GCFC2: variants seen among roughly 807,000 people sequenced by gnomAD.
GCFC2 encodes intron Large complex component GCFC2.
GCFC2 carries 102 observed loss-of-function variants against 99.4 expected under a neutral mutation model. The observed-to-expected ratio is 1.03, with a 90% CI of 0.87 to 1.21. The LOEUF is 1.21. GCFC2 is among the 50% of genes most tolerant of loss of function. The probability of loss-of-function intolerance (pLI) is 0.00; values close to 1 mark genes in which losing one functional copy is unlikely to be tolerated. For missense variants in GCFC2, 973 were observed against 920.9 expected (o/e 1.06, Z -0.73); for synonymous variants, 338 against 316.8 (o/e 1.07, Z -0.71).
At chr2:75,676,194 C>A (rs1679330944) in intron 12 of GCFC2, among the ~76,000 whole-genome samples, 1 of 152,172 alleles carries the variant, frequency 6.6e-6, no homozygotes, top group Admixed American at 6.5e-5. Context: ...GAAAATCTAT[C>A]TGAACTCCCA....
intron 13 of GCFC2, 51 bp downstream of exon 13, chr2:75,673,393 T>C: frequency 2.5e-6 from 2 of 798,568 alleles, no homozygotes; most frequent in Non-Finnish European, 4.4e-6. Flanking sequence ...TAAACAAATC[T>C]GTATTCTATG....
chr2:75,710,323 T>C lies in GCFC2; in HGVS notation c.265+268A>G, dbSNP rs143024272. The C allele has an allele frequency of 3.5e-3, 1,963 of 563,156 alleles. 9 individuals are homozygous for C. The highest frequency in any genetic ancestry group is 4.3e-3 in the Non-Finnish European group (1,556 of 363,162). The allele number at this position is 563,156 out of a possible 1,614,324, so 34.9% of individuals were successfully genotyped here. ...ACTGTGTTAGTTATAACTGATGGAG[T>C]CAACTGATGGTGAAAACGAAGAGCC... On this transcript the variant is annotated intron_variant, in intron 1 of 16. Coordinates refer to ENST00000321027, the MANE Select transcript of GCFC2 (RefSeq NM_003203.5).
intron 11 of GCFC2, among the ~76,000 whole-genome samples, chr2:75,683,321 A>G (rs567943218): frequency 6.6e-6 from 1 of 152,036 alleles, no homozygotes; most frequent in African/African-American, 2.4e-5. Context: ...TTTTCAATCC[A>G]GAATTTCATA....
chr2:75,664,934 C>T (rs1678768096), intron 16 of GCFC2, 151 bp from the exon 17 acceptor site: 1 of 580,976 alleles, frequency 1.7e-6, no homozygotes, highest in South Asian at 2.2e-5. Flanking sequence ...GAGATGCTGC[C>T]ATCTCCACTT....
rs1322427245 is a variant in GCFC2 at position 75,666,060 on chromosome 2, A to G, written c.2104-7T>C. 2 of 1,597,564 alleles carry G rather than the reference A, an allele frequency of 1.3e-6. No homozygotes were observed. The highest frequency in any genetic ancestry group is 2.7e-5 in the African/African-American group (2 of 74,224). ...CTGGTAGACATGCTGCTACCTGTTA[A>G]TCAAAACACATGGCTGGTTTACAAT... On this transcript the variant is annotated splice_polypyrimidine_tract_variant and splice_region_variant and intron_variant, in intron 15 of 16. Transcript: ENST00000321027.
At chr2:75,691,165 C>T (rs1423102311) in intron 7 of GCFC2, among the ~76,000 whole-genome samples, 1 of 152,152 alleles carries the variant, frequency 6.6e-6, no homozygotes, top group African/African-American at 2.4e-5. Context: ...TTTGTTTTTT[C>T]CTCTATATAC....
chr2:75,676,580 T>C (rs1218902685), intron 12 of GCFC2, among the ~76,000 whole-genome samples: 2 of 152,190 alleles, frequency 1.3e-5, no homozygotes, highest in East Asian at 3.8e-4. Context: ...TCTGTGGGTA[T>C]TATCACCAAA....
At chr2:75,698,638 C>T (rs1453750625) in intron 4 of GCFC2, among the ~76,000 whole-genome samples, 1 of 152,100 alleles carries the variant, frequency 6.6e-6, no homozygotes, top group Non-Finnish European at 1.5e-5. Context: ...TGTAGTGAGA[C>T]ATTTTAAATT....
intron 6 of GCFC2, among the ~76,000 whole-genome samples, chr2:75,692,867 T>A (rs1206279547): frequency 6.6e-6 from 1 of 152,040 alleles, no homozygotes; most frequent in African/African-American, 2.4e-5. Flanking sequence ...GTAAGTAAGT[T>A]GTGATGTGAT....
At chr2:75,665,823 C>A in intron 16 of GCFC2, 106 bp downstream of exon 16, 1 of 689,888 alleles carries the variant, frequency 1.4e-6, no homozygotes, top group Non-Finnish European at 2.2e-6. Context: ...AAAGTTTTAA[C>A]AAATTTTTAA....
At chr2:75,673,244 C>G (rs1679197702) in intron 13 of GCFC2, among the ~76,000 whole-genome samples, 200 bp downstream of exon 13, 2 of 151,712 alleles carry the variant, frequency 1.3e-5, no homozygotes, top group Non-Finnish European at 1.5e-5. Flanking sequence ...GGAGGCGGAG[C>G]TTGCAGTGAG....
At chr2:75,685,493 T>G (rs981231903) in intron 11 of GCFC2, among the ~76,000 whole-genome samples, 1 of 152,152 alleles carries the variant, frequency 6.6e-6, no homozygotes, top group Non-Finnish European at 1.5e-5. Flanking sequence ...TGACCCTTCT[T>G]TCTTCCTAGA....
At chr2:75,704,944 G>A (rs537410515) in intron 2 of GCFC2, among the ~76,000 whole-genome samples, 5 of 152,328 alleles carry the variant, frequency 3.3e-5, no homozygotes, top group East Asian at 1.9e-4. Flanking sequence ...CCAAACTGCA[G>A]ACATGAGCCA....
intron 6 of GCFC2, among the ~76,000 whole-genome samples, chr2:75,692,367 G>T (rs973636924): frequency 3.6e-5 from 4 of 112,406 alleles, no homozygotes; most frequent in Non-Finnish European, 7.1e-5. Context: ...TAAACTAAAT[G>T]GGGGCCAGGA....
chr2:75,710,020 A>G (rs1365193626), intron 1 of GCFC2, among the ~76,000 whole-genome samples: 1 of 152,214 alleles, frequency 6.6e-6, no homozygotes, highest in East Asian at 1.9e-4. Context: ...ACTATATCTA[A>G]CACCATTACT....
At chr2:75,672,372 TAAAC>T (rs902402962) in intron 13 of GCFC2, among the ~76,000 whole-genome samples, 1 of 148,148 alleles carries the variant, frequency 6.8e-6, no homozygotes, top group Admixed American at 6.8e-5. Flanking sequence ...TATATATTTA[TAAAC>T]AAATAACTAA....
rs1213191810 is a variant in GCFC2, at chr2:75,671,867, TAGA to T, written c.1956+80_1956+82del. 23 of 675,262 alleles carry T rather than the reference TAGA, an allele frequency of 3.4e-5. No individual in the cohort carries two copies. In the East Asian group the frequency reaches 3.6e-4, roughly 11 times the overall value. 41.8% of individuals were successfully genotyped at this position (675,262 alleles called of 1,614,324 possible). A position where few individuals can be genotyped will look rare whatever the true frequency, so the allele number is the denominator to read the frequency against. Reference sequence around the variant, plus strand: ...AGCCTAAAATACTATCTAATTCTTATAGAAGAAGTTTGTTGTTCTTTGTTCTAT... The same window carrying T: ...AGCCTAAAATACTATCTAATTCTTATAGAAGTTTGTTGTTCTTTGTTCTAT... On this transcript the variant is annotated intron_variant, in intron 14 of 16. Transcript: ENST00000321027.
At position 75,689,133 on chromosome 2, in the gene GCFC2, G is replaced by A. The variant is rs764347758; in HGVS notation, c.1432C>T (p.Arg478Ter). 2.2e-5 allele frequency: 35 copies of A among 1,595,814 alleles called. No homozygotes were observed. In the Admixed American group the frequency reaches 3.5e-4, roughly 16 times the overall value. Residue 478 changes from arginine (R) to a stop codon, truncating the protein, a stop_gained, in exon 10 of 17, where the codon CGA becomes TGA. Coordinates refer to ENST00000321027, the MANE Select transcript of GCFC2 (RefSeq NM_003203.5). LOFTEE classifies it high-confidence loss of function. ...QNILLKFQQW[R>*]EKFPDSYYEA... Reference sequence around the variant, plus strand: ...TAATAGGAGTCAGGAAACTTTTCTCGCCATTGCTGAAATTTCAACAAAATA... The same window carrying A: ...TAATAGGAGTCAGGAAACTTTTCTCACCATTGCTGAAATTTCAACAAAATA...
At chr2:75,683,771 CAAAAAA>C (rs749580096) in intron 11 of GCFC2, among the ~76,000 whole-genome samples, 14 of 60,426 alleles carry the variant, frequency 2.3e-4, no homozygotes, top group Non-Finnish European at 3.1e-4. Context: ...AAATGGAAAG[CAAAAAA>C]AAAAAAAAAA....
Sources: allele counts gnomAD v4.1 joint callset (sites outside exome capture counted in the v4.1 genomes callset), GRCh38; gene constraint gnomAD v4.1.1; transcripts MANE v1.5; gene names NCBI Gene and HGNC (gene_info 2026-07-23, HGNC 2026-07-21).